Variants in NR3C2 observed in about 807,000 individuals in gnomAD.
NR3C2 encodes the protein nuclear receptor subfamily 3 group C member 2.
NR3C2 carries 15 observed loss-of-function variants against 86.4 expected under a neutral mutation model. That is an observed-to-expected ratio of 0.17 (90% CI 0.12 to 0.27). NR3C2 has a LOEUF of 0.27. NR3C2 is among the 10% of genes least tolerant of loss of function. The pLI, the probability that NR3C2 is intolerant of heterozygous loss-of-function variation, is 1.00. For missense variants in NR3C2, 960 were observed against 1,195.6 expected (o/e 0.80, Z 2.91); for synonymous variants, 458 against 450.5 (o/e 1.02, Z -0.21).
At chr4:148,353,922 A>G (rs2149995756) in intron 2 of NR3C2, among the ~76,000 whole-genome samples, 1 of 152,322 alleles carries the variant, frequency 6.6e-6, no homozygotes, top group Admixed American at 6.5e-5. Context: ...AAGGCTCTTT[A>G]ATTTAGGGAT....
intron 4 of NR3C2, among the ~76,000 whole-genome samples, chr4:148,165,548 T>C (rs1388984559): frequency 6.6e-6 from 1 of 152,278 alleles, no homozygotes; most frequent in East Asian, 1.9e-4. Context: ...AAAGAACTAT[T>C]ACTTAACATA....
chr4:148,314,373 T>A (rs1479907827), intron 2 of NR3C2, among the ~76,000 whole-genome samples: 1 of 152,208 alleles, frequency 6.6e-6, no homozygotes, highest in African/African-American at 2.4e-5. Context: ...CTTAAAATAT[T>A]AGAACTCTTT....
At chr4:148,251,119 G>T (rs541150047) in intron 3 of NR3C2, among the ~76,000 whole-genome samples, 44 of 151,898 alleles carry the variant, frequency 2.9e-4, no homozygotes, top group African/African-American at 1.1e-3. Flanking sequence ...CTAATTTTTT[G>T]TTGTTGTTAT....
intron 2 of NR3C2, among the ~76,000 whole-genome samples, chr4:148,433,653 A>T (rs546272705): frequency 6.6e-6 from 1 of 152,294 alleles, no homozygotes. Context: ...AAAACTAAAC[A>T]ATTAAGTAGC....
chr4:148,233,694 G>A (rs566107046), intron 3 of NR3C2, among the ~76,000 whole-genome samples: 1 of 152,266 alleles, frequency 6.6e-6, no homozygotes, highest in East Asian at 1.9e-4. Flanking sequence ...GAGAGGAAGA[G>A]AGATGGAGGG....
intron 8 of NR3C2, among the ~76,000 whole-genome samples, chr4:148,113,478 T>C (rs935317851): frequency 6.6e-6 from 1 of 152,042 alleles, no homozygotes; most frequent in Non-Finnish European, 1.5e-5. Context: ...CAGGGCATAC[T>C]CTCTGCTGCA....
At chr4:148,085,632 T>A (rs1730778411) in intron 8 of NR3C2, among the ~76,000 whole-genome samples, 1 of 151,792 alleles carries the variant, frequency 6.6e-6, no homozygotes, top group African/African-American at 2.4e-5. Context: ...AGGCAAGAAA[T>A]AAGATCAGAG....
At chr4:148,404,430 A>G (rs1190611563) in intron 2 of NR3C2, among the ~76,000 whole-genome samples, 2 of 152,176 alleles carry the variant, frequency 1.3e-5, no homozygotes, top group Non-Finnish European at 2.9e-5. Context: ...GTCAAAGACC[A>G]TTCTAAGGTT....
chr4:148,418,429 C>G (rs1473086060), intron 2 of NR3C2, among the ~76,000 whole-genome samples: 1 of 152,104 alleles, frequency 6.6e-6, no homozygotes, highest in Admixed American at 6.6e-5. Context: ...TTAAAAATCA[C>G]TAAGATATCT....
chr4:148,106,399 G>C (rs1731798282), intron 8 of NR3C2, among the ~76,000 whole-genome samples: 1 of 152,144 alleles, frequency 6.6e-6, no homozygotes, highest in Admixed American at 6.5e-5. Flanking sequence ...CCATGCTCAT[G>C]GATAGGAAGA....
chr4:148,368,863 GAC>G (rs1244695071), intron 2 of NR3C2, among the ~76,000 whole-genome samples: 1 of 152,144 alleles, frequency 6.6e-6, no homozygotes, highest in East Asian at 1.9e-4. Context: ...TTTCCCAAAA[GAC>G]ACAGCCATGT....
intron 3 of NR3C2, among the ~76,000 whole-genome samples, chr4:148,237,324 CA>C (rs754673252): frequency 6.6e-6 from 1 of 152,044 alleles, no homozygotes; most frequent in Non-Finnish European, 1.5e-5. Context: ...ATTAGAAATC[CA>C]AAATAGAAAG....
chr4:148,323,739 C>T (rs865926605), intron 2 of NR3C2, among the ~76,000 whole-genome samples: 11 of 152,110 alleles, frequency 7.2e-5, no homozygotes, highest in African/African-American at 2.2e-4. Context: ...TGCTTCGGCT[C>T]GCACACGGTG....
At chr4:148,163,669 A>G (rs762595415) in intron 4 of NR3C2, among the ~76,000 whole-genome samples, 3 of 150,954 alleles carry the variant, frequency 2.0e-5, no homozygotes, top group African/African-American at 7.3e-5. Flanking sequence ...TGTAAAAAAC[A>G]CTCTTTGGTT....
At chr4:148,241,675 C>T (rs1579057216) in intron 3 of NR3C2, among the ~76,000 whole-genome samples, 2 of 152,294 alleles carry the variant, frequency 1.3e-5, no homozygotes. Flanking sequence ...TTCTATTTTA[C>T]CTGTTTGCTT....
Position 148,114,124 on chromosome 4 carries a change from G to T in NR3C2, c.2779C>A (p.Leu927Met). The T allele has an allele frequency of 6.2e-7, 1 of 1,613,618 alleles. No homozygotes were observed. ...SWQRFYQLTK[L>M]LDSMHDLVSD... ...CTCACGTCATGCATGGAGTCCAGCA[G>T]CTTGGTCAGTTGGTAGAACCTCTGC... The change falls in exon 8 of 9, where the codon CTG becomes ATG. Residue 927 changes from leucine to methionine, a missense_variant. Coordinates refer to ENST00000358102, the MANE Select transcript of NR3C2 (RefSeq NM_000901.5).
chr4:148,290,110 AGTTTCTTCCGG>A (rs1359252019), intron 2 of NR3C2, among the ~76,000 whole-genome samples: 1 of 152,034 alleles, frequency 6.6e-6, no homozygotes, highest in Non-Finnish European at 1.5e-5. Context: ...TAGCAAACTG[AGTTTCTTCCGG>A]GGCCTCTCTC....
At chr4:148,187,204 G>C (rs537537813) in intron 4 of NR3C2, among the ~76,000 whole-genome samples, 5 of 151,638 alleles carry the variant, frequency 3.3e-5, no homozygotes, top group African/African-American at 1.2e-4. Context: ...TTCAAATAAT[G>C]ACTTATTTTC....
chr4:148,300,587 CAT>C (rs1742289343), intron 2 of NR3C2, among the ~76,000 whole-genome samples: 1 of 67,830 alleles, frequency 1.5e-5, no homozygotes, highest in African/African-American at 4.7e-5. Flanking sequence ...CCTTGCTACT[CAT>C]TTTTTTTTTT....
Sources: allele counts gnomAD v4.1 joint callset (sites outside exome capture counted in the v4.1 genomes callset), GRCh38; gene constraint gnomAD v4.1.1; transcripts MANE v1.5; gene names NCBI Gene and HGNC (gene_info 2026-07-23, HGNC 2026-07-21).